The following NBEAL1 variants were observed in gnomAD, a reference collection of about 807,000 sequenced individuals.
The protein encoded by NBEAL1 is neurobeachin like 1, also known as neurobeachin-like protein 1.
In NBEAL1, 273 loss-of-function variants were observed where a neutral mutation model predicts 351.3. The ratio of observed to expected loss-of-function variants is 0.78; its 90% CI spans 0.70 to 0.86. NBEAL1 has a LOEUF of 0.86. Among genes scored for constraint, NBEAL1 ranks in the 40% least tolerant of loss-of-function variants. The probability of loss-of-function intolerance (pLI) is 0.00; values close to 1 mark genes in which losing one functional copy is unlikely to be tolerated. For synonymous variants in NBEAL1, 1,050 were observed against 1,086.4 expected (o/e 0.97, Z 0.66); for missense variants, 2,961 against 3,201.3 (o/e 0.92, Z 1.81).
At chr2:203,150,856 C>T (rs2063632729) in intron 34 of NBEAL1, among the ~76,000 whole-genome samples, 1 of 152,150 alleles carries the variant, frequency 6.6e-6, no homozygotes, top group African/African-American at 2.4e-5. Context: ...ATCAAGCTGT[C>T]AAGTCTGAAA....
chr2:203,152,842 G>A (rs1014213664), intron 35 of NBEAL1, among the ~76,000 whole-genome samples: 2 of 150,578 alleles, frequency 1.3e-5, no homozygotes, highest in Admixed American at 1.3e-4. Context: ...TCGAGACCTC[G>A]AGCTGGCCAA....
intron 2 of NBEAL1, among the ~76,000 whole-genome samples, chr2:203,038,177 A>G (rs1237376704): frequency 1.3e-5 from 2 of 149,346 alleles, no homozygotes; most frequent in East Asian, 1.9e-4. Flanking sequence ...TTGGGCTATT[A>G]TAAACAAAGT....
intron 11 of NBEAL1, 121 bp downstream of exon 11, chr2:203,097,754 T>C (rs936994500): frequency 8.6e-6 from 2 of 233,346 alleles, no homozygotes; most frequent in African/African-American, 4.6e-5. Flanking sequence ...TTCTAATATT[T>C]ATTAATTATT....
At chr2:203,141,735 C>G (rs2063387827) in intron 31 of NBEAL1, among the ~76,000 whole-genome samples, 1 of 151,964 alleles carries the variant, frequency 6.6e-6, no homozygotes, top group South Asian at 2.1e-4. Flanking sequence ...ACATTTCTCA[C>G]TAGCCTATTG....
chr2:203,024,073 A>G (rs188673783), intron 2 of NBEAL1, among the ~76,000 whole-genome samples: 2 of 151,166 alleles, frequency 1.3e-5, no homozygotes, highest in African/African-American at 4.8e-5. Flanking sequence ...GCTCATGCCT[A>G]TAATTCTAGC....
At position 203,155,571 on chromosome 2, in the gene NBEAL1, G is replaced by A. The variant is rs115884153; in HGVS notation, c.5588-2128G>A. Among the ~76,000 whole-genome samples the A allele has an allele frequency of 5.5e-3, 835 of 152,096 alleles. 6 individuals are homozygous for A. Among genetic ancestry groups the A allele is most frequent in the African/African-American group, 0.019 (776 of 41,504 alleles). On this transcript the variant is annotated intron_variant, in intron 35 of 55. Coordinates refer to ENST00000683969, the MANE Select transcript of NBEAL1 (RefSeq NM_001378026.1). ...CCTTGCCACAGCTTCCTGAGCAGCT[G>A]GTACTATAGGTGTGTACCACCACAC... is the stretch of plus-strand genomic sequence containing the variant.
chr2:203,137,004 A>T (rs1402398422), intron 29 of NBEAL1, among the ~76,000 whole-genome samples: 1 of 152,244 alleles, frequency 6.6e-6, no homozygotes, highest in Non-Finnish European at 1.5e-5. Flanking sequence ...AATTTGGGTC[A>T]TAAGTGATTA....
intron 2 of NBEAL1, among the ~76,000 whole-genome samples, chr2:203,024,662 A>T (rs970004306): frequency 2.0e-5 from 3 of 152,126 alleles, no homozygotes; most frequent in Admixed American, 2.0e-4. Context: ...CAGGAGTTCG[A>T]GACTAGCCTG....
chr2:203,158,458 A>C (rs1413107911), intron 36 of NBEAL1, among the ~76,000 whole-genome samples: 1 of 152,230 alleles, frequency 6.6e-6, no homozygotes, highest in Non-Finnish European at 1.5e-5. Context: ...AGATAACCTG[A>C]AAAGCCTTAG....
At chr2:203,149,203 A>G (rs1349580574) in intron 34 of NBEAL1, 55 bp downstream of exon 34, 8 of 1,381,950 alleles carry the variant, frequency 5.8e-6, no homozygotes, top group Non-Finnish European at 6.8e-6. Flanking sequence ...TCTGGTCTAG[A>G]AATTTTTGAG....
At chr2:203,040,849 C>T in intron 2 of NBEAL1, 1 of 451,198 alleles carries the variant, frequency 2.2e-6, no homozygotes, top group Non-Finnish European at 4.3e-6. Flanking sequence ...GATGGGCTCA[C>T]ATGGCTATCG....
At chr2:203,200,592 G>A (rs559555904) in intron 49 of NBEAL1, among the ~76,000 whole-genome samples, 1 of 151,956 alleles carries the variant, frequency 6.6e-6, no homozygotes, top group Non-Finnish European at 1.5e-5. Flanking sequence ...TACTCGGGGG[G>A]CTGAGGCAGG....
chr2:203,142,352 C>T (rs1405341223), intron 31 of NBEAL1, among the ~76,000 whole-genome samples: 3 of 152,234 alleles, frequency 2.0e-5, no homozygotes, highest in South Asian at 4.1e-4. Flanking sequence ...GATGGCATTT[C>T]GCCATGCTGG....
At chr2:203,072,600 T>G (rs914930528) in intron 7 of NBEAL1, among the ~76,000 whole-genome samples, 70 of 152,240 alleles carry the variant, frequency 4.6e-4, no homozygotes, top group Non-Finnish European at 5.6e-4. Flanking sequence ...ATATCCAATT[T>G]CATTGCTTGC....
chr2:203,135,524 T>G (rs1291092174), intron 27 of NBEAL1, among the ~76,000 whole-genome samples, 153 bp from the exon 28 acceptor site: 2 of 152,208 alleles, frequency 1.3e-5, no homozygotes, highest in Non-Finnish European at 2.9e-5. Context: ...TCCAAATAGT[T>G]TATAATCTAA....
Position 203,217,548 on chromosome 2 carries a change from TTTG to T in NBEAL1, c.*195_*197del, listed in dbSNP as rs2065910589. 14 of 1,186,326 alleles carry T rather than the reference TTTG, an allele frequency of 1.2e-5. No homozygotes were observed. The highest frequency in any genetic ancestry group is 1.5e-5 in the Non-Finnish European group (14 of 957,252). The allele number at this position is 1,186,326 out of a possible 1,614,324, so 73.5% of individuals were successfully genotyped here. On this transcript the variant is annotated 3_prime_UTR_variant, in exon 56 of 56. Transcript: ENST00000683969. ...GATGTATTTGAGAAAATACATTTGA[TTTG>T]ATTTTGTGGCCCATTCCTAAAGGTC...
At chr2:203,172,327 C>G (rs973385205) in intron 40 of NBEAL1, among the ~76,000 whole-genome samples, 2 of 152,004 alleles carry the variant, frequency 1.3e-5, no homozygotes, top group Non-Finnish European at 2.9e-5. Flanking sequence ...TTGAGACGAG[C>G]CTAGTCAACA....
At chr2:203,085,728 T>G (rs1331452567) in intron 10 of NBEAL1, 2 of 152,214 alleles carry the variant, frequency 1.3e-5, no homozygotes, top group African/African-American at 4.8e-5. Context: ...TTATTACAAT[T>G]AAAGTAATAC....
chr2:203,144,736 A>G lies in NBEAL1; in HGVS notation c.4985A>G (p.Tyr1662Cys), dbSNP rs116563932. ...SQSIKEQTEI[Y>C]SFLIPLVRTL... ...TCAATCAAGGAACAGACTGAAATCT[A>G]CTCATTTCTGATTCCCCTTGTTCGT... Residue 1662 changes from tyrosine (Y) to cysteine (C), a missense_variant, in exon 32 of 56, where the codon TAC (tyrosine) becomes TGC (cysteine). By Grantham distance (194) the Tyr-to-Cys change is radical. Transcript: ENST00000683969. The G allele has an allele frequency of 1.2e-6, 2 of 1,613,906 alleles. No homozygotes were observed. Among genetic ancestry groups the G allele is most frequent in the Non-Finnish European group, 1.7e-6 (2 of 1,180,004 alleles).
Sources: gnomAD v4.1 joint callset for allele counts (sites outside exome capture counted in the v4.1 genomes callset) on GRCh38, gnomAD v4.1.1 for gene constraint, MANE v1.5 for transcripts, NCBI Gene and HGNC (gene_info 2026-07-23, HGNC 2026-07-21) for gene names.